The following ATG10 variants were observed in gnomAD, a reference collection of about 807,000 sequenced individuals.
The protein encoded by ATG10 is autophagy related 10.
ATG10 carries 30 observed loss-of-function variants against 32.1 expected under a neutral mutation model. The observed-to-expected ratio is 0.94, with a 90% CI of 0.70 to 1.27. The LOEUF is 1.27. Ranked by LOEUF, ATG10 falls within the 50% of genes most tolerant of loss-of-function variation. The probability of loss-of-function intolerance (pLI) is 0.00; values close to 1 mark genes in which losing one functional copy is unlikely to be tolerated. For synonymous variants in ATG10, 87 were observed against 91.5 expected, an observed-to-expected ratio of 0.95 and a Z score of 0.28; for missense variants, 233 against 262.3, an observed-to-expected ratio of 0.89 and a Z score of 0.77.
chr5:82,186,062 A>C (rs778094478), intron 5 of ATG10, among the ~76,000 whole-genome samples: 15 of 152,182 alleles, frequency 9.9e-5, no homozygotes, highest in Non-Finnish European at 1.5e-4. Context: ...ATCTGTGTGA[A>C]CTGGAAGTGG....
At chr5:82,217,973 T>C (rs1745753844) in intron 5 of ATG10, among the ~76,000 whole-genome samples, 1 of 151,282 alleles carries the variant, frequency 6.6e-6, no homozygotes, top group Non-Finnish European at 1.5e-5. Context: ...CCAGACCTTG[T>C]CTCTAAATTA....
At chr5:82,184,574 C>G (rs998023024) in intron 5 of ATG10, among the ~76,000 whole-genome samples, 14 of 152,072 alleles carry the variant, frequency 9.2e-5, no homozygotes, top group African/African-American at 3.4e-4. Flanking sequence ...TCTCATCAAA[C>G]CTTTGCTTTC....
chr5:81,978,076 G>A (rs538782818), intron 1 of ATG10, among the ~76,000 whole-genome samples: 1 of 152,134 alleles, frequency 6.6e-6, no homozygotes, highest in South Asian at 2.1e-4. Flanking sequence ...TATTGTGTTG[G>A]TCTTTTTTTT....
chr5:82,049,475 C>T (rs188164239), intron 2 of ATG10, among the ~76,000 whole-genome samples: 3,115 of 151,658 alleles, frequency 0.021, 46 homozygotes, highest in Non-Finnish European at 0.029. Context: ...GGGTGCAGCG[C>T]ACCAGCATGG....
chr5:82,144,288 A>AT (rs150627410), intron 3 of ATG10, among the ~76,000 whole-genome samples: 36,487 of 150,070 alleles, frequency 0.24, 4,736 homozygotes, highest in South Asian at 0.36. Context: ...TGGTTTTCTT[A>AT]TTTTTTTTCT....
intron 2 of ATG10, among the ~76,000 whole-genome samples, chr5:82,055,475 C>T (rs1763562115): frequency 6.6e-6 from 1 of 151,960 alleles, no homozygotes; most frequent in Non-Finnish European, 1.5e-5. Flanking sequence ...CTTTTAATGT[C>T]AAAGGAGATG....
chr5:82,124,513 T>A (rs1252470453), intron 3 of ATG10, among the ~76,000 whole-genome samples: 1 of 151,884 alleles, frequency 6.6e-6, no homozygotes, highest in African/African-American at 2.4e-5. Flanking sequence ...GCATTCTGAT[T>A]GTTCAACTCT....
chr5:82,206,338 C>A (rs1745294946), intron 5 of ATG10, among the ~76,000 whole-genome samples: 1 of 151,992 alleles, frequency 6.6e-6, no homozygotes, highest in African/African-American at 2.4e-5. Flanking sequence ...GCATGTATAT[C>A]AAAGGAACTG....
Position 82,164,547 on chromosome 5 carries a change from T to C in ATG10, c.355+10T>C, listed in dbSNP as rs750166701. 5 of 1,592,648 alleles carry C rather than the reference T, an allele frequency of 3.1e-6. No individual in the cohort carries two copies. In the East Asian group the frequency reaches 8.9e-5, roughly 28 times the overall value. On this transcript the variant is annotated intron_variant, in intron 4 of 7. Coordinates refer to ENST00000282185, the MANE Select transcript of ATG10 (RefSeq NM_031482.5). ...AGGGCAAGCTTTTTAGGTAAGAACA[T>C]GTCTGAAGCTAAAAGTAAATTTATA...
At chr5:82,054,594 C>G (rs538478082) in intron 2 of ATG10, among the ~76,000 whole-genome samples, 1 of 152,334 alleles carries the variant, frequency 6.6e-6, no homozygotes, top group East Asian at 1.9e-4. Context: ...TGCTCTGCCT[C>G]CAACTAATTA....
intron 5 of ATG10, among the ~76,000 whole-genome samples, chr5:82,223,801 T>A (rs1004866821): frequency 6.6e-6 from 1 of 152,168 alleles, no homozygotes; most frequent in South Asian, 2.1e-4. Flanking sequence ...TTGTTTATTA[T>A]GAACTGAAAT....
At chr5:82,079,116 T>A (rs549219743) in intron 3 of ATG10, among the ~76,000 whole-genome samples, 1 of 152,352 alleles carries the variant, frequency 6.6e-6, no homozygotes, top group East Asian at 1.9e-4. Context: ...AGATTCTTCA[T>A]CTGTCTCCCT....
intron 2 of ATG10, among the ~76,000 whole-genome samples, chr5:81,994,403 A>T (rs1761601573): frequency 6.6e-6 from 1 of 152,230 alleles, no homozygotes. Context: ...GAAAACAAAA[A>T]AATGTATCAT....
At chr5:82,164,716 G>A (rs1326016695) in intron 4 of ATG10, among the ~76,000 whole-genome samples, 179 bp downstream of exon 4, 1 of 152,176 alleles carries the variant, frequency 6.6e-6, no homozygotes, top group Non-Finnish European at 1.5e-5. Context: ...CAAGACTTCA[G>A]CGTGAATGAT....
chr5:82,033,782 ATGTT>A (rs536438988), intron 2 of ATG10, among the ~76,000 whole-genome samples: 63 of 151,184 alleles, frequency 4.2e-4, no homozygotes, highest in South Asian at 1.0e-3. Flanking sequence ...ATATACGTGT[ATGTT>A]TGTACTATAT....
intron 3 of ATG10, among the ~76,000 whole-genome samples, chr5:82,080,263 C>A (rs1366966840): frequency 6.6e-6 from 1 of 152,030 alleles, no homozygotes; most frequent in East Asian, 1.9e-4. Flanking sequence ...TGGATATTAG[C>A]CCTTTGTCAG....
chr5:81,993,379 T>TTTCCTTCTTTC (rs1561244261), intron 2 of ATG10, among the ~76,000 whole-genome samples: 4 of 58,374 alleles, frequency 6.9e-5, no homozygotes, highest in African/African-American at 4.3e-4. Context: ...TTTTCTTTTC[T>TTTCCTTCTTTC]TTTCTTTTCT....
chr5:82,186,010 C>T (rs1561346214), intron 5 of ATG10, among the ~76,000 whole-genome samples: 1 of 152,144 alleles, frequency 6.6e-6, no homozygotes, highest in Non-Finnish European at 1.5e-5. Flanking sequence ...GTGGGTATTT[C>T]CTGATGGCTG....
chr5:81,979,846 C>CTT (rs112144876), intron 1 of ATG10, among the ~76,000 whole-genome samples: 157 of 147,736 alleles, frequency 1.1e-3, no homozygotes, highest in East Asian at 3.9e-3. Context: ...TATTTTAAAT[C>CTT]TTTTTTTTTT....
Sources: gnomAD v4.1 joint callset for allele counts (sites outside exome capture counted in the v4.1 genomes callset) on GRCh38, gnomAD v4.1.1 for gene constraint, MANE v1.5 for transcripts, NCBI Gene and HGNC (gene_info 2026-07-23, HGNC 2026-07-21) for gene names.